Variants in CYP27C1 observed in about 807,000 individuals in gnomAD.
CYP27C1 encodes the protein cytochrome P450 family 27 subfamily C member 1, also known as cytochrome P450 27C1.
A neutral mutation model predicts 40.6 loss-of-function variants in CYP27C1; 29 were observed. The observed-to-expected ratio is 0.71, with a 90% CI of 0.53 to 0.97. CYP27C1 has a LOEUF of 0.97. Among genes scored for constraint, CYP27C1 ranks in the 50% least tolerant of loss-of-function variants. CYP27C1 has a pLI of 0.00. For missense variants in CYP27C1, 390 were observed against 485.8 expected (o/e 0.80, Z 1.85); for synonymous variants, 198 against 186.8 (o/e 1.06, Z -0.49).
intron 6 of CYP27C1, among the ~76,000 whole-genome samples, 185 bp from the exon 7 acceptor site, chr2:127,194,052 G>A (rs562804101): frequency 1.3e-5 from 2 of 152,310 alleles, no homozygotes; most frequent in South Asian, 2.1e-4. Flanking sequence ...CTTTACCAGC[G>A]AGTATTCTGA....
In CYP27C1 at chr2:127,201,081, C is replaced by A; in HGVS notation, c.883+41G>T. 1 of 1,593,514 alleles carries A rather than the reference C, an allele frequency of 6.3e-7. No individual in the cohort carries two copies. The highest frequency in any genetic ancestry group is 1.1e-5 in the South Asian group (1 of 89,996). ...GAGTTAGACACACAACACGGCAGGT[C>A]AACCTGCTTCTGCAAAAGGTGCTCT... On this transcript the variant is annotated intron_variant, in intron 4 of 8. Coordinates refer to ENST00000664447, the MANE Select transcript of CYP27C1 (RefSeq NM_001367502.1). The surrounding 1 kb of genome is among the most constrained non-coding windows in gnomAD (Gnocchi z 6.0).
rs1260257095 is a variant in CYP27C1, at chr2:127,196,381, C to T, written c.1048-880G>A. Among the ~76,000 whole-genome samples, 2 of 152,028 alleles carry T rather than the reference C, an allele frequency of 1.3e-5. No individual in the cohort carries two copies. The highest frequency in any genetic ancestry group is 2.4e-5 in the African/African-American group (1 of 41,394). On this transcript the variant is annotated intron_variant, in intron 5 of 8. Coordinates refer to ENST00000664447, the MANE Select transcript of CYP27C1 (RefSeq NM_001367502.1). This position sits in a 1 kb window ranked among gnomAD's most constrained non-coding sequence, Gnocchi z 4.5. ...CGGTCAGCCATGTCATTTTTTATACCTCTTCTCAAACCTTTCTACTTATTG... is the reference window on the plus strand; with the variant it reads ...CGGTCAGCCATGTCATTTTTTATACTTCTTCTCAAACCTTTCTACTTATTG...
In CYP27C1 at chr2:127,195,297, G is replaced by A. The variant is rs1475371865; in HGVS notation, c.1214+38C>T. ...TGTGATAGAGAACCAGGGACCTAAGGGACACAGTTTGTTGACGGATTCTGG... is the reference window on the plus strand; with the variant it reads ...TGTGATAGAGAACCAGGGACCTAAGAGACACAGTTTGTTGACGGATTCTGG... On this transcript the variant is annotated intron_variant, in intron 6 of 8. Transcript: ENST00000664447. This position sits in a 1 kb window ranked among gnomAD's most constrained non-coding sequence, Gnocchi z 6.2. The A allele has an allele frequency of 6.2e-7, 1 of 1,613,152 alleles. No individual in the cohort carries two copies. The highest frequency in any genetic ancestry group is 1.7e-5 in the Admixed American group (1 of 59,990).
At position 127,219,403 on chromosome 2, in the gene CYP27C1, C is replaced by A. The variant is rs1683503221; in HGVS notation, c.282+586G>T. 1.3e-5 allele frequency among the ~76,000 whole-genome samples: 2 copies of A among 151,900 alleles called. No individual in the cohort carries two copies. Among genetic ancestry groups the A allele is most frequent in the Non-Finnish European group, 2.9e-5 (2 of 67,932 alleles). On this transcript the variant is annotated intron_variant, in intron 1 of 8. Transcript: ENST00000664447. This position sits in a 1 kb window ranked among gnomAD's most constrained non-coding sequence, Gnocchi z 8.7. ...CGCAGTCCCATTCCTGGTTTCCCTT[C>A]GCGGCGCCCCCTCCCCAGGTTCCCC...
intron 1 of CYP27C1, among the ~76,000 whole-genome samples, chr2:127,207,773 T>C (rs1683258167): frequency 6.6e-6 from 1 of 152,148 alleles, no homozygotes; most frequent in African/African-American, 2.4e-5. Flanking sequence ...CTACAAAACA[T>C]TGTTTAAAGA....
At chr2:127,198,267 G>A (rs1197435005) in intron 5 of CYP27C1, among the ~76,000 whole-genome samples, 1 of 151,812 alleles carries the variant, frequency 6.6e-6, no homozygotes, top group African/African-American at 2.4e-5. Context: ...CTCTTTAGCA[G>A]GTTTTGGTTT....
intron 2 of CYP27C1, 149 bp downstream of exon 2, chr2:127,205,751 G>T (rs1259759904): frequency 2.0e-6 from 2 of 985,394 alleles, no homozygotes; most frequent in East Asian, 2.3e-4. Context: ...ATGTCTGGGA[G>T]ATCGCACAAG....
chr2:127,199,677 C>T lies in CYP27C1; in HGVS notation c.884-138G>A, dbSNP rs564119019. ...GGGTAAGGAAACCCAATTTATCTAA[C>T]GTCAACCTGGGAGTTTCACTCATAC... On this transcript the variant is annotated intron_variant, in intron 4 of 8. Transcript: ENST00000664447. The T allele has an allele frequency of 2.0e-4, 156 of 789,772 alleles. 1 individual carries two copies. Among genetic ancestry groups the T allele is most frequent in the Non-Finnish European group, 2.7e-4 (143 of 529,346 alleles). 48.9% of individuals were successfully genotyped at this position (789,772 alleles called of 1,614,324 possible).
chr2:127,193,407 G>C, intron 7 of CYP27C1, 110 bp from the exon 8 acceptor site: 1 of 1,309,710 alleles, frequency 7.6e-7, no homozygotes, highest in Non-Finnish European at 1.1e-6. Flanking sequence ...CCGCCTGGGG[G>C]CCGCCCGGGT....
At chr2:127,197,438 G>A (rs4396657) in intron 5 of CYP27C1, among the ~76,000 whole-genome samples, 6,512 of 152,204 alleles carry the variant, frequency 0.043, 134 homozygotes, top group East Asian at 0.067. Flanking sequence ...AGGTCTGTGC[G>A]GGGCGTGCCT....
chr2:127,211,114 T>A (rs1451223295), intron 1 of CYP27C1, among the ~76,000 whole-genome samples: 1 of 151,092 alleles, frequency 6.6e-6, no homozygotes, highest in African/African-American at 2.4e-5. Context: ...TGACCACATA[T>A]ACTCCTCAGC....
rs149021778 is a variant in CYP27C1, at chr2:127,196,488, T to C, written c.1048-987A>G. 2.0e-5 allele frequency among the ~76,000 whole-genome samples: 3 copies of C among 151,972 alleles called. No homozygotes were observed. Among genetic ancestry groups the C allele is most frequent in the African/African-American group, 7.2e-5 (3 of 41,394 alleles). On this transcript the variant is annotated intron_variant, in intron 5 of 8. Coordinates refer to ENST00000664447, the MANE Select transcript of CYP27C1 (RefSeq NM_001367502.1). This position sits in a 1 kb window ranked among gnomAD's most constrained non-coding sequence, Gnocchi z 4.5. The stretch of plus-strand genomic sequence containing the variant: ...ATCTATGGGACTACATTTCACTCTC[T>C]AGTAAACAAGGAAATGCCACAGTAT...
rs1682817776 is a variant in CYP27C1, at chr2:127,193,088, C to T, written c.1497+6G>A. 1 of 1,614,056 alleles carries T rather than the reference C, an allele frequency of 6.2e-7. No homozygotes were observed. The highest frequency in any genetic ancestry group is 1.7e-5 in the Admixed American group (1 of 59,988). ...CAAAGGCCAACGTTTGGCCTCCACG[C>T]CCTACCTGGATCACGACGAGGTGAA... On this transcript the variant is annotated splice_donor_region_variant and intron_variant, in intron 8 of 8. Coordinates refer to ENST00000664447, the MANE Select transcript of CYP27C1 (RefSeq NM_001367502.1).
intron 8 of CYP27C1, 131 bp downstream of exon 8, chr2:127,192,963 A>G (rs1319920890): frequency 1.7e-6 from 2 of 1,188,190 alleles, no homozygotes; most frequent in African/African-American, 1.5e-5. Context: ...GGTGTGAGCC[A>G]CAGTGCCTGA....
chr2:127,187,463 T>C, intron 8 of CYP27C1, 76 bp from the exon 9 acceptor site: 1 of 1,320,126 alleles, frequency 7.6e-7, no homozygotes, highest in Non-Finnish European at 1.1e-6. Context: ...ATGCTTTTAC[T>C]CTTCCTGTGG....
Position 127,193,922 on chromosome 2 carries a change from T to C in CYP27C1, c.1215-55A>G, listed in dbSNP as rs1682844566. The C allele has an allele frequency of 3.8e-6, 6 of 1,590,730 alleles. No individual in the cohort carries two copies. In the African/African-American group the frequency reaches 4.0e-5, roughly 11 times the overall value. On this transcript the variant is annotated intron_variant, in intron 6 of 8. Coordinates refer to ENST00000664447, the MANE Select transcript of CYP27C1 (RefSeq NM_001367502.1). Reference sequence around the variant, plus strand: ...GCGTGGTGACTTTCACAGTATTTTATTGAACGTTCAGAACCCTGGATATAT... The same window carrying C: ...GCGTGGTGACTTTCACAGTATTTTACTGAACGTTCAGAACCCTGGATATAT...
intron 8 of CYP27C1, among the ~76,000 whole-genome samples, chr2:127,190,940 T>G (rs1682757283): frequency 8.8e-6 from 1 of 113,792 alleles, no homozygotes; most frequent in Non-Finnish European, 1.8e-5. Flanking sequence ...GGTGAGACTC[T>G]GAAAAAAAAA....
intron 8 of CYP27C1, among the ~76,000 whole-genome samples, chr2:127,192,790 G>A (rs376460167): frequency 3.8e-5 from 2 of 52,930 alleles, no homozygotes; most frequent in African/African-American, 7.1e-5. Flanking sequence ...GGGAGATGGG[G>A]AGGCATTTTC....
chr2:127,184,207 G>C lies in CYP27C1; in HGVS notation c.*3064C>G, dbSNP rs1006042223. On this transcript the variant is annotated 3_prime_UTR_variant, in exon 9 of 9. Transcript: ENST00000664447. ...ACACAGTCAGCATTCAAATTTCCCCGAGTTGCTCTCTTTTTTTCATGCATT... is the reference window on the plus strand; with the variant it reads ...ACACAGTCAGCATTCAAATTTCCCCCAGTTGCTCTCTTTTTTTCATGCATT... 6.6e-6 allele frequency: 1 copy of C among 151,904 alleles called. No homozygotes were observed. The highest frequency in any genetic ancestry group is 1.5e-5 in the Non-Finnish European group (1 of 68,010). 9.4% of individuals were successfully genotyped at this position (151,904 alleles called of 1,614,324 possible). A position where few individuals can be genotyped will look rare whatever the true frequency, so the allele number is the denominator to read the frequency against.
Sources: allele counts gnomAD v4.1 joint callset (sites outside exome capture counted in the v4.1 genomes callset), GRCh38; gene constraint gnomAD v4.1.1; non-coding constraint Gnocchi (gnomAD v3.1); transcripts MANE v1.5; gene names NCBI Gene and HGNC (gene_info 2026-07-23, HGNC 2026-07-21).